The following ZNF578 variants were observed in gnomAD, a reference collection of about 807,000 sequenced individuals.
The protein encoded by ZNF578 is Putative chemokine-related protein B42.
ZNF578 carries 8 observed loss-of-function variants against 8.3 expected under a neutral mutation model. The observed-to-expected ratio is 0.96, with a 90% CI of 0.56 to 1.74. ZNF578 has a LOEUF of 1.74. ZNF578 is among the 40% of genes most tolerant of loss of function. The probability of loss-of-function intolerance (pLI) is 0.00; values close to 1 mark genes in which losing one functional copy is unlikely to be tolerated. For synonymous variants in ZNF578, 206 were observed against 232.2 expected, an observed-to-expected ratio of 0.89 and a Z score of 1.03; for missense variants, 726 against 707.5, an observed-to-expected ratio of 1.03 and a Z score of -0.30.
rs762041988 is a variant in ZNF578, at chr19:52,510,816, G to C, written c.435G>C (p.Arg145Ser). 2.3e-5 allele frequency: 37 copies of C among 1,614,142 alleles called. No individual in the cohort carries two copies. The highest frequency in any genetic ancestry group is 5.5e-5 in the South Asian group (5 of 91,082). Reference protein sequence around the residue: ...LMGSTDRHDQRHAGNKPIKDQ... With the variant: ...LMGSTDRHDQSHAGNKPIKDQ... Reference sequence around the variant, plus strand: ...GTAGCACAGACCGACATGATCAAAGGCATGCTGGAAACAAGCCTATTAAAG... The same window carrying C: ...GTAGCACAGACCGACATGATCAAAGCCATGCTGGAAACAAGCCTATTAAAG... Residue 145 changes from arginine to serine, a missense_variant, in exon 6 of 6, where the codon AGG becomes AGC. Physicochemically the swap from Arg to Ser is moderately radical, Grantham distance 110 (BLOSUM62 -1). Transcript: ENST00000421239.
In ZNF578 at chr19:52,512,866, T is replaced by C. The variant is rs948214799; in HGVS notation, c.*712T>C. On this transcript the variant is annotated 3_prime_UTR_variant, in exon 6 of 6. Coordinates refer to ENST00000421239, the MANE Select transcript of ZNF578 (RefSeq NM_001099694.2). ...ACTTAACATTGAGTTCAAGCCTTAA[T>C]TGACATGCAGGTGTTTATGATAAGA... Among the ~76,000 whole-genome samples, 1 of 152,200 alleles carries C rather than the reference T, an allele frequency of 6.6e-6. No homozygotes were observed. The highest frequency in any genetic ancestry group is 2.4e-5 in the African/African-American group (1 of 41,450).
intron 3 of ZNF578, 49 bp from the exon 4 acceptor site, chr19:52,501,778 G>A: frequency 6.3e-7 from 1 of 1,584,024 alleles, no homozygotes; most frequent in Non-Finnish European, 8.6e-7. Context: ...ATCACAGGAA[G>A]GGAGTGAGTC....
chr19:52,501,821 A>T lies in ZNF578; in HGVS notation c.-19-6A>T. On this transcript the variant is annotated splice_region_variant and splice_polypyrimidine_tract_variant and intron_variant, in intron 3 of 5. Coordinates refer to ENST00000421239, the MANE Select transcript of ZNF578 (RefSeq NM_001099694.2). ...ACCTGAAGTCTTATTTTTCTTCCACATACAGGATTGATTTCTAAAGACTCA... is the reference window on the plus strand; with the variant it reads ...ACCTGAAGTCTTATTTTTCTTCCACTTACAGGATTGATTTCTAAAGACTCA... 2 of 1,611,576 alleles carry T rather than the reference A, an allele frequency of 1.2e-6. No individual in the cohort carries two copies. Among genetic ancestry groups the T allele is most frequent in the Non-Finnish European group, 1.7e-6 (2 of 1,179,108 alleles).
chr19:52,485,796 C>G (rs1305156895), intron 2 of ZNF578, among the ~76,000 whole-genome samples: 1 of 151,920 alleles, frequency 6.6e-6, no homozygotes, highest in African/African-American at 2.4e-5. Context: ...ATCACCACTC[C>G]CTATTCTCAA....
rs545986674 is a variant in ZNF578, at chr19:52,511,829, A to G, written c.1448A>G (p.Tyr483Cys). The change falls in exon 6 of 6, where the codon TAC becomes TGC. Residue 483 changes from tyrosine to cysteine, a missense_variant. Coordinates refer to ENST00000421239, the MANE Select transcript of ZNF578 (RefSeq NM_001099694.2). ...HKIIHTGEKP[Y>C]KCNECHKTFS... ...ATAATTCATACTGGAGAGAAACCTT[A>G]CAAGTGTAATGAGTGTCACAAGACC... 6.8e-5 allele frequency: 109 copies of G among 1,613,994 alleles called. No homozygotes were observed. Among genetic ancestry groups the G allele is most frequent in the Admixed American group, 4.8e-4 (29 of 60,020 alleles).
rs1471774925 is a variant in ZNF578 at position 52,513,365 on chromosome 19, A to C, written c.*1211A>C. 2.0e-5 allele frequency among the ~76,000 whole-genome samples: 2 copies of C among 97,846 alleles called. No homozygotes were observed. Among genetic ancestry groups the C allele is most frequent in the Non-Finnish European group, 4.0e-5 (2 of 50,036 alleles). 64.2% of individuals were successfully genotyped at this position (97,846 alleles called of 152,430 possible). A position where few individuals can be genotyped will look rare whatever the true frequency, so the allele number is the denominator to read the frequency against. On this transcript the variant is annotated 3_prime_UTR_variant, in exon 6 of 6. Transcript: ENST00000421239. ...TTTTTTTTTTTTTTTTTTTTTTGAG[A>C]TAGTACTTTTTAAAGAGATAGTACT...
At chr19:52,492,836 G>C (rs1396785138) in intron 3 of ZNF578, 1 of 152,364 alleles carries the variant, frequency 6.6e-6, no homozygotes, top group African/African-American at 2.4e-5. Context: ...GTGGCGTATC[G>C]CTTGGAGTGA....
In ZNF578 at chr19:52,501,602, T is replaced by C. The variant is rs551117176; in HGVS notation, c.-19-225T>C. On this transcript the variant is annotated intron_variant, in intron 3 of 5. Transcript: ENST00000421239. Reference sequence around the variant, plus strand: ...AGCCCAGCTCCCCACTGCTGCCTCGTGTGTGGTGGCTGCTCCAGGAGGGGG... The same window carrying C: ...AGCCCAGCTCCCCACTGCTGCCTCGCGTGTGGTGGCTGCTCCAGGAGGGGG... Among the ~76,000 whole-genome samples the C allele has an allele frequency of 2.6e-5, 4 of 151,362 alleles. No individual in the cohort carries two copies. In the East Asian group the frequency reaches 7.8e-4, roughly 29 times the overall value.
In ZNF578 at chr19:52,513,464, C is replaced by T. The variant is rs1599922387; in HGVS notation, c.*1310C>T. 6.7e-6 allele frequency among the ~76,000 whole-genome samples: 1 copy of T among 148,626 alleles called. No individual in the cohort carries two copies. The highest frequency in any genetic ancestry group is 1.5e-5 in the Non-Finnish European group (1 of 67,386). On this transcript the variant is annotated 3_prime_UTR_variant, in exon 6 of 6. Coordinates refer to ENST00000421239, the MANE Select transcript of ZNF578 (RefSeq NM_001099694.2). ...AGGGATATCAGGCTGGGTGTGGCAG[C>T]TCACGCCGGTAATCCCAGCACTTTG...
At chr19:52,464,055 C>T (rs1257002195) in intron 2 of ZNF578, among the ~76,000 whole-genome samples, 1 of 152,118 alleles carries the variant, frequency 6.6e-6, no homozygotes, top group African/African-American at 2.4e-5. Context: ...TTTTATTGGG[C>T]TCAGTGCCAC....
At chr19:52,485,540 T>C (rs901946788) in intron 2 of ZNF578, among the ~76,000 whole-genome samples, 4 of 152,080 alleles carry the variant, frequency 2.6e-5, no homozygotes, top group Admixed American at 6.5e-5. Flanking sequence ...GGCTGTCCTG[T>C]AGGGAAAGGA....
At chr19:52,504,527 C>A in intron 4 of ZNF578, 128 bp from the exon 5 acceptor site, 3 of 1,526,456 alleles carry the variant, frequency 2.0e-6, no homozygotes, top group Admixed American at 2.3e-5. Context: ...TTCAAAAATA[C>A]CTTAACGTGG....
Position 52,501,825 on chromosome 19 carries a change from AG to A in ZNF578, c.-19del, listed in dbSNP as rs2059408610. On this transcript the variant is annotated splice_acceptor_variant, in intron 3 of 5. Coordinates refer to ENST00000421239, the MANE Select transcript of ZNF578 (RefSeq NM_001099694.2). LOFTEE classifies it low-confidence loss of function (5UTR_SPLICE). Reference sequence around the variant, plus strand: ...GAAGTCTTATTTTTCTTCCACATACAGGATTGATTTCTAAAGACTCATGTTA... The same window carrying A: ...GAAGTCTTATTTTTCTTCCACATACAGATTGATTTCTAAAGACTCATGTTA... 1 of 1,611,990 alleles carries A rather than the reference AG, an allele frequency of 6.2e-7. No individual in the cohort carries two copies. Among genetic ancestry groups the A allele is most frequent in the Non-Finnish European group, 8.5e-7 (1 of 1,179,270 alleles).
At chr19:52,466,417 C>T (rs1038183146) in intron 2 of ZNF578, among the ~76,000 whole-genome samples, 4 of 152,146 alleles carry the variant, frequency 2.6e-5, no homozygotes, top group Non-Finnish European at 5.9e-5. Context: ...CCTCAGAGGC[C>T]TCTTGTGGCT....
chr19:52,511,779 GA>G lies in ZNF578; in HGVS notation c.1401del (p.Lys467AsnfsTer9). ...CEECDRVFSQKSNLERHKIIH... is the reference protein window; with the variant it reads ...CEECDRVFSQXSNLERHKIIH... ...AAGAATGTGACAGAGTTTTCAGTCA[GA>G]AATCAAACCTTGAGAGACACAAGAT... On this transcript the variant is annotated frameshift_variant, in exon 6 of 6. Coordinates refer to ENST00000421239, the MANE Select transcript of ZNF578 (RefSeq NM_001099694.2). LOFTEE classifies it low-confidence loss of function (END_TRUNC). The G allele has an allele frequency of 6.2e-7, 1 of 1,610,882 alleles. No homozygotes were observed. The highest frequency in any genetic ancestry group is 1.7e-4 in the Middle Eastern group (1 of 6,026).
At chr19:52,485,276 C>T (rs928507064) in intron 2 of ZNF578, among the ~76,000 whole-genome samples, 2 of 152,214 alleles carry the variant, frequency 1.3e-5, no homozygotes, top group Admixed American at 6.5e-5. Context: ...GGAGCCAGAA[C>T]GTGGGGCTGT....
chr19:52,513,594 G>T lies in ZNF578; in HGVS notation c.*1440G>T, dbSNP rs796540289. 1.9e-4 allele frequency among the ~76,000 whole-genome samples: 29 copies of T among 151,938 alleles called. No homozygotes were observed. Among genetic ancestry groups the T allele is most frequent in the African/African-American group, 6.0e-4 (25 of 41,452 alleles). ...AAATACAAAAACTTAGCCGGGCATG[G>T]TGGTGGGCACCTGTAGTCTCAGCTA... On this transcript the variant is annotated 3_prime_UTR_variant, in exon 6 of 6. Coordinates refer to ENST00000421239, the MANE Select transcript of ZNF578 (RefSeq NM_001099694.2).
chr19:52,459,102 G>A (rs1419972832), intron 2 of ZNF578, among the ~76,000 whole-genome samples: 1 of 152,134 alleles, frequency 6.6e-6, no homozygotes, highest in Non-Finnish European at 1.5e-5. Flanking sequence ...GGGTTTTCCG[G>A]TCCATGATGC....
At chr19:52,465,218 G>A (rs1029018481) in intron 2 of ZNF578, among the ~76,000 whole-genome samples, 1 of 152,076 alleles carries the variant, frequency 6.6e-6, no homozygotes, top group Non-Finnish European at 1.5e-5. Flanking sequence ...ATGAACTGCG[G>A]GGCAGGTAAT....
Sources: allele counts gnomAD v4.1 joint callset (sites outside exome capture counted in the v4.1 genomes callset), GRCh38; gene constraint gnomAD v4.1.1; transcripts MANE v1.5; gene names NCBI Gene and HGNC (gene_info 2026-07-23, HGNC 2026-07-21).